The following ACYP2 variants were observed in gnomAD, a reference collection of about 807,000 sequenced individuals.
ACYP2 encodes the protein acylphosphatase-2.
ACYP2 carries 12 observed loss-of-function variants against 11.2 expected under a neutral mutation model. The observed-to-expected ratio is 1.08, with a 90% confidence interval of 0.69 to 1.74. The LOEUF is 1.74. Among genes scored for constraint, ACYP2 ranks in the 40% most tolerant of loss-of-function variants. The pLI, the probability that ACYP2 is intolerant of heterozygous loss-of-function variation, is 0.00. For missense variants in ACYP2, 134 were observed against 101.9 expected (o/e 1.31, Z -1.35); for synonymous variants, 43 against 32.2 (o/e 1.33, Z -1.13).
intron 6 of ACYP2, among the ~76,000 whole-genome samples, chr2:54,173,566 G>C: frequency 6.6e-6 from 1 of 152,170 alleles, no homozygotes; most frequent in Middle Eastern, 3.4e-3. Flanking sequence ...TGTCTATTTC[G>C]GCTTTTGTTG....
intron 4 of ACYP2, chr2:54,123,185 T>C (rs1680257104): frequency 5.1e-6 from 2 of 394,778 alleles, no homozygotes; most frequent in Non-Finnish European, 8.9e-6. Context: ...AATGACACAC[T>C]AATGATACGC....
At chr2:53,981,985 TTC>T (rs1671788004) in intron 2 of ACYP2, among the ~76,000 whole-genome samples, 1 of 152,236 alleles carries the variant, frequency 6.6e-6, no homozygotes, top group Non-Finnish European at 1.5e-5. Context: ...TTCGTGTTTC[TTC>T]TTTTTGTCAA....
intron 4 of ACYP2, among the ~76,000 whole-genome samples, chr2:54,130,530 A>T (rs987914172): frequency 6.6e-6 from 1 of 152,192 alleles, no homozygotes; most frequent in Non-Finnish European, 1.5e-5. Flanking sequence ...TGGGTGCTTT[A>T]TGGAGAATAC....
intron 6 of ACYP2, among the ~76,000 whole-genome samples, chr2:54,266,349 G>A (rs1198115788): frequency 6.6e-6 from 1 of 151,964 alleles, no homozygotes; most frequent in Non-Finnish European, 1.5e-5. Flanking sequence ...TTGGGGTAGG[G>A]GACAGGAAAA....
At chr2:54,261,750 A>C (rs138961722) in intron 6 of ACYP2, among the ~76,000 whole-genome samples, 1 of 152,366 alleles carries the variant, frequency 6.6e-6, no homozygotes, top group African/African-American at 2.4e-5. Context: ...CAGTTTAGAA[A>C]GCTGAGGGCC....
In ACYP2 at chr2:54,199,909, C is replaced by T. The variant is rs1684686880; in HGVS notation, c.404+61161C>T. Among the ~76,000 whole-genome samples, 14 of 152,318 alleles carry T rather than the reference C, an allele frequency of 9.2e-5. No individual in the cohort carries two copies. In the South Asian group the frequency reaches 2.9e-3, roughly 32 times the overall value. On this transcript the variant is annotated intron_variant, in intron 6 of 6. Transcript: ENST00000607452. Reference sequence around the variant, plus strand: ...TGGTTCTGTATCTTACTATTCTCTGCCCTCTCTGGACGATCCACCAACTGT... The same window carrying T: ...TGGTTCTGTATCTTACTATTCTCTGTCCTCTCTGGACGATCCACCAACTGT...
chr2:54,034,048 C>CTT (rs1350399619), intron 2 of ACYP2, among the ~76,000 whole-genome samples: 1 of 152,138 alleles, frequency 6.6e-6, no homozygotes, highest in Non-Finnish European at 1.5e-5. Flanking sequence ...TGTTACAGCT[C>CTT]TTTTAGAAGC....
At chr2:54,187,144 C>T (rs1432381526) in intron 6 of ACYP2, among the ~76,000 whole-genome samples, 2 of 152,026 alleles carry the variant, frequency 1.3e-5, no homozygotes, top group Non-Finnish European at 1.5e-5. Context: ...TAAGCCAAGA[C>T]GTAAGGGCAC....
chr2:54,133,732 G>A (rs1021423069), intron 4 of ACYP2, among the ~76,000 whole-genome samples: 9 of 152,138 alleles, frequency 5.9e-5, no homozygotes, highest in Non-Finnish European at 1.0e-4. Context: ...GCAATTCCCA[G>A]GAGAGATGTA....
chr2:54,016,414 G>A (rs1015527466), intron 2 of ACYP2, among the ~76,000 whole-genome samples: 1 of 150,444 alleles, frequency 6.6e-6, no homozygotes, highest in Non-Finnish European at 1.5e-5. Context: ...AAATTTCTCT[G>A]ACCAAGCAGG....
intron 6 of ACYP2, among the ~76,000 whole-genome samples, chr2:54,200,191 CTAAT>C (rs751179695): frequency 2.0e-5 from 3 of 152,094 alleles, no homozygotes; most frequent in Admixed American, 6.6e-5. Context: ...TGTCCTTGGG[CTAAT>C]TAATTGCTTT....
At position 54,236,515 on chromosome 2, in the gene ACYP2, G is replaced by C. The variant is rs1444385971; in HGVS notation, c.405-68173G>C. ...TTGTGAATTTTCTAGGTAAATTTTT[G>C]TTATTGATTTCTAGTCTAATTTCTT... On this transcript the variant is annotated intron_variant, in intron 6 of 6. Transcript: ENST00000607452. Among the ~76,000 whole-genome samples the C allele has an allele frequency of 2.0e-5, 3 of 151,912 alleles. No individual in the cohort carries two copies. The East Asian group carries it at 5.8e-4, about 29-fold the overall frequency.
intron 6 of ACYP2, among the ~76,000 whole-genome samples, chr2:54,234,047 A>C (rs1686362807): frequency 6.7e-6 from 1 of 149,186 alleles, no homozygotes; most frequent in African/African-American, 2.5e-5. Flanking sequence ...GAACAAAAAG[A>C]AGTCAGAAGG....
intron 2 of ACYP2, among the ~76,000 whole-genome samples, chr2:53,978,786 G>T (rs999670975): frequency 1.3e-5 from 2 of 152,186 alleles, no homozygotes. Context: ...AGCCAGGTAT[G>T]GTGGCACATT....
chr2:54,107,384 GT>G (rs988106951), intron 4 of ACYP2, among the ~76,000 whole-genome samples: 10 of 150,872 alleles, frequency 6.6e-5, no homozygotes, highest in Middle Eastern at 6.8e-3. Flanking sequence ...TTCTTAGCTT[GT>G]TTTTTTTTGT....
chr2:54,193,278 C>T (rs957400867), intron 6 of ACYP2, among the ~76,000 whole-genome samples: 1 of 152,120 alleles, frequency 6.6e-6, no homozygotes, highest in East Asian at 1.9e-4. Context: ...TTGCTGAATA[C>T]TTATGTATCT....
At chr2:54,085,763 AAAAGTT>A (rs1381170976) in intron 4 of ACYP2, among the ~76,000 whole-genome samples, 2 of 152,210 alleles carry the variant, frequency 1.3e-5, no homozygotes, top group African/African-American at 4.8e-5. Flanking sequence ...GCAATGTGGC[AAAAGTT>A]AAAATTATTT....
In ACYP2 at chr2:54,115,614, C is replaced by T. The variant is rs1253936246; in HGVS notation, c.278-19839C>T. The T allele has an allele frequency of 1.3e-6, 2 of 1,559,616 alleles. No homozygotes were observed. Among genetic ancestry groups the T allele is most frequent in the Non-Finnish European group, 1.7e-6 (2 of 1,152,086 alleles). The stretch of plus-strand genomic sequence containing the variant: ...AGGCGCGGGGTGCGCCAAGCAGTCC[C>T]ATGTGTCCCCTCCCTCTCGCAGCCG... On this transcript the variant is annotated intron_variant, in intron 4 of 6. Transcript: ENST00000607452.
intron 6 of ACYP2, among the ~76,000 whole-genome samples, chr2:54,220,290 C>T (rs1280442064): frequency 6.6e-6 from 1 of 152,080 alleles, no homozygotes; most frequent in Non-Finnish European, 1.5e-5. Flanking sequence ...TCTTAATTAG[C>T]TTGCACTAAA....
Sources: gnomAD v4.1 joint callset for allele counts (sites outside exome capture counted in the v4.1 genomes callset) on GRCh38, gnomAD v4.1.1 for gene constraint, MANE v1.5 for transcripts, NCBI Gene and HGNC (gene_info 2026-07-23, HGNC 2026-07-21) for gene names.